Variants in QKI observed in about 807,000 individuals in gnomAD.
QKI encodes the protein KH domain-containing RNA-binding protein QKI.
Under a neutral mutation model 39.0 loss-of-function variants are expected in QKI, and 10 were observed. The observed-to-expected ratio is 0.26, with a 90% CI of 0.16 to 0.43. The LOEUF (loss-of-function observed/expected upper bound fraction) is 0.43. QKI is among the 20% of genes least tolerant of loss of function. QKI has a pLI of 1.00. For missense variants in QKI, 218 were observed against 428.0 expected, an observed-to-expected ratio of 0.51 and a Z score of 4.33; for synonymous variants, 204 against 155.4, an observed-to-expected ratio of 1.31 and a Z score of -2.33.
At chr6:163,447,214 TGATA>T (rs1385722629) in intron 1 of QKI, among the ~76,000 whole-genome samples, 4 of 151,744 alleles carry the variant, frequency 2.6e-5, no homozygotes, top group South Asian at 2.1e-4. Flanking sequence ...TTATTTTTAT[TGATA>T]GATATTTTAC....
At chr6:163,485,449 T>A (rs775940524) in intron 3 of QKI, among the ~76,000 whole-genome samples, 1 of 152,136 alleles carries the variant, frequency 6.6e-6, no homozygotes, top group Non-Finnish European at 1.5e-5. Context: ...CTTGGCAAAT[T>A]GTTGTGGAGT....
At chr6:163,534,059 G>C (rs892068415) in intron 3 of QKI, among the ~76,000 whole-genome samples, 2 of 152,088 alleles carry the variant, frequency 1.3e-5, no homozygotes, top group African/African-American at 4.8e-5. Context: ...TGTGTGCCAG[G>C]TGCATTTATA....
intron 1 of QKI, among the ~76,000 whole-genome samples, chr6:163,451,875 C>T (rs1434113412): frequency 3.3e-5 from 5 of 152,270 alleles, no homozygotes; most frequent in South Asian, 4.1e-4. Context: ...TTCCCAAACC[C>T]GTACTCGTTG....
intron 2 of QKI, among the ~76,000 whole-genome samples, chr6:163,456,067 G>C (rs1323617390): frequency 6.6e-6 from 1 of 151,890 alleles, no homozygotes; most frequent in Non-Finnish European, 1.5e-5. Flanking sequence ...CCCTCTTTTG[G>C]CTTTTAGAAT....
chr6:163,478,831 C>G lies in QKI; in HGVS notation c.337C>G (p.Leu113Val). 1 of 1,612,142 alleles carries G rather than the reference C, an allele frequency of 6.2e-7. No individual in the cohort carries two copies. The highest frequency in any genetic ancestry group is 8.5e-7 in the Non-Finnish European group (1 of 1,179,426). The change falls in exon 3 of 8, where the codon CTT becomes GTT. Residue 113 changes from leucine to valine, a missense_variant. Leu to Val is a conservative substitution (Grantham distance 32). This residue lies in a region of QKI where 61 missense variants were observed against 193.3 expected (regional missense o/e 0.32). Transcript: ENST00000361752. ...LGPRGLTAKQLEAETGCKIMV... is the reference protein window; with the variant it reads ...LGPRGLTAKQVEAETGCKIMV... ...ACCTAGAGGACTTACAGCCAAACAACTTGAAGCAGAAACCGGATGTAAAAT... is the reference window on the plus strand; with the variant it reads ...ACCTAGAGGACTTACAGCCAAACAAGTTGAAGCAGAAACCGGATGTAAAAT...
chr6:163,467,142 G>T (rs1791825797), intron 2 of QKI, among the ~76,000 whole-genome samples: 1 of 152,000 alleles, frequency 6.6e-6, no homozygotes, highest in South Asian at 2.1e-4. Context: ...CTTATGAAAA[G>T]GTGCTTAACA....
At chr6:163,433,043 T>A (rs986760303) in intron 1 of QKI, among the ~76,000 whole-genome samples, 9 of 152,118 alleles carry the variant, frequency 5.9e-5, no homozygotes, top group Non-Finnish European at 1.3e-4. Flanking sequence ...AATCTTAGAT[T>A]TGTTTTAGGT....
chr6:163,485,788 A>C (rs546885717), intron 3 of QKI, among the ~76,000 whole-genome samples: 69 of 152,342 alleles, frequency 4.5e-4, no homozygotes, highest in Non-Finnish European at 7.9e-4. Context: ...AGGGATGTGC[A>C]TTCTTCTTCT....
intron 2 of QKI, among the ~76,000 whole-genome samples, chr6:163,466,044 G>C (rs1456205344): frequency 6.6e-6 from 1 of 151,368 alleles, no homozygotes; most frequent in Non-Finnish European, 1.5e-5. Flanking sequence ...AGAATTGCTT[G>C]AGCCTGGGAG....
At chr6:163,452,676 C>T (rs1790659580) in intron 1 of QKI, among the ~76,000 whole-genome samples, 1 of 152,156 alleles carries the variant, frequency 6.6e-6, no homozygotes, top group Admixed American at 6.5e-5. Context: ...TGGCTTGTAT[C>T]ATCTAACCAG....
chr6:163,478,116 G>T (rs1448190369), intron 2 of QKI, among the ~76,000 whole-genome samples: 1 of 151,988 alleles, frequency 6.6e-6, no homozygotes, highest in Non-Finnish European at 1.5e-5. Flanking sequence ...AGGAATTTCT[G>T]TTGAGGGATG....
At chr6:163,513,460 T>G (rs971027010) in intron 3 of QKI, among the ~76,000 whole-genome samples, 1 of 152,224 alleles carries the variant, frequency 6.6e-6, no homozygotes, top group Non-Finnish European at 1.5e-5. Context: ...ATAATATGAA[T>G]AGGCTTTTTC....
chr6:163,431,245 G>A (rs1340360421), intron 1 of QKI, among the ~76,000 whole-genome samples: 2 of 152,146 alleles, frequency 1.3e-5, no homozygotes, highest in Non-Finnish European at 2.9e-5. Flanking sequence ...AAGGAAGCAA[G>A]AAAACTGTCC....
intron 1 of QKI, among the ~76,000 whole-genome samples, chr6:163,451,604 G>A (rs1196805554): frequency 6.6e-6 from 1 of 152,004 alleles, no homozygotes; most frequent in Non-Finnish European, 1.5e-5. Context: ...TTGATACTGG[G>A]GATATTTAGA....
At chr6:163,558,808 A>G (rs991179356) in intron 4 of QKI, among the ~76,000 whole-genome samples, 1 of 152,206 alleles carries the variant, frequency 6.6e-6, no homozygotes, top group Non-Finnish European at 1.5e-5. Flanking sequence ...GAGACCACCT[A>G]GAATCAAATT....
intron 3 of QKI, among the ~76,000 whole-genome samples, chr6:163,484,476 C>T (rs1793321627): frequency 6.6e-6 from 1 of 152,196 alleles, no homozygotes; most frequent in African/African-American, 2.4e-5. Context: ...GCTAGGATTA[C>T]AGGTGTGAGC....
chr6:163,569,637 T>G, intron 7 of QKI: 1 of 1,004,540 alleles, frequency 1.0e-6, no homozygotes, highest in Middle Eastern at 4.9e-4. Flanking sequence ...AACTACTTTA[T>G]GTTTTACTGT....
intron 1 of QKI, among the ~76,000 whole-genome samples, chr6:163,419,659 T>G (rs1787834434): frequency 6.6e-6 from 1 of 152,184 alleles, no homozygotes; most frequent in Non-Finnish European, 1.5e-5. Flanking sequence ...TATGGGGCAT[T>G]TATTAAACAT....
intron 2 of QKI, among the ~76,000 whole-genome samples, chr6:163,469,229 G>A (rs908765980): frequency 2.6e-5 from 4 of 152,084 alleles, no homozygotes; most frequent in Non-Finnish European, 5.9e-5. Flanking sequence ...GCCAAGGAGG[G>A]TTAATACTTG....
Sources: gnomAD v4.1 joint callset for allele counts (sites outside exome capture counted in the v4.1 genomes callset) on GRCh38, gnomAD v4.1.1 for gene constraint, gnomAD v4.1.1 regional missense constraint, MANE v1.5 for transcripts, NCBI Gene and HGNC (gene_info 2026-07-23, HGNC 2026-07-21) for gene names.